The following IFITM5 variants were observed in gnomAD, a reference collection of about 807,000 sequenced individuals.
IFITM5 encodes the protein interferon induced transmembrane protein 5, also known as interferon-induced transmembrane protein 5.
Under a neutral mutation model 9.2 loss-of-function variants are expected in IFITM5, and 10 were observed. The observed-to-expected ratio is 1.09, with a 90% CI of 0.67 to 1.85. The LOEUF (loss-of-function observed/expected upper bound fraction) is 1.85. Among genes scored for constraint, IFITM5 ranks in the 40% most tolerant of loss-of-function variants. IFITM5 has a pLI of 0.00. For missense variants in IFITM5, 225 were observed against 182.6 expected, an observed-to-expected ratio of 1.23 and a Z score of -1.34; for synonymous variants, 93 against 86.6, an observed-to-expected ratio of 1.07 and a Z score of -0.41.
chr11:298,626 A>G lies in IFITM5; in HGVS notation c.274T>C (p.Trp92Arg). The G allele has an allele frequency of 6.2e-7, 1 of 1,613,544 alleles. No homozygotes were observed. The highest frequency in any genetic ancestry group is 8.5e-7 in the Non-Finnish European group (1 of 1,179,992). Residue 92 changes from tryptophan (W) to arginine (R), a missense_variant, in exon 2 of 2, where the codon TGG (tryptophan) becomes CGG (arginine). Trp to Arg is a moderately radical substitution (Grantham distance 101). Coordinates refer to ENST00000382614, the MANE Select transcript of IFITM5 (RefSeq NM_001025295.3). ...AKCYNILAAM[W>R]TLVPPLLLLG... ...AGCAGCAGTGGCGGCACCAGCGTCC[A>G]CATCGCGGCCAGGATGTTGTAGCAC...
chr11:298,592 A>AGCCCCAGGAGCAGCAGTGGCG lies in IFITM5; in HGVS notation c.287_307dup (p.Pro96_Gly102dup). 3.7e-6 allele frequency: 6 copies of AGCCCCAGGAGCAGCAGTGGCG among 1,613,648 alleles called. No homozygotes were observed. The South Asian group carries it at 6.6e-5, about 18-fold the overall frequency. On this transcript the variant is annotated inframe_insertion, in exon 2 of 2. Transcript: ENST00000382614. ...CAGGTGCAGGGCACCAGTCACCACC[A>AGCCCCAGGAGCAGCAGTGGCG]GCCCCAGGAGCAGCAGTGGCGGCAC...
chr11:299,374 C>A lies in IFITM5; in HGVS notation c.117G>T (p.Trp39Cys), dbSNP rs545346603. 30 of 1,595,748 alleles carry A rather than the reference C, an allele frequency of 1.9e-5. No individual in the cohort carries two copies. Among genetic ancestry groups the A allele is most frequent in the Non-Finnish European group, 1.7e-6 (2 of 1,171,918 alleles). Residue 39 changes from tryptophan (W) to cysteine (C), a missense_variant, in exon 1 of 2, where the codon TGG becomes TGT. By Grantham distance (215) the Trp-to-Cys change is radical. Transcript: ENST00000382614. ...TCAGGTAGAGGGTGCTGAACACCGA[C>A]CAGATCAAGTGGTCTCGAGGCGGGG... ...PHPPPRDHLI[W>C]SVFSTLYLNL... is the part of the protein sequence containing the mutation.
In IFITM5 at chr11:298,410, G is replaced by T; in HGVS notation, c.*91C>A. The T allele has an allele frequency of 1.4e-6, 2 of 1,380,316 alleles. No homozygotes were observed. The highest frequency in any genetic ancestry group is 2.0e-6 in the Non-Finnish European group (2 of 1,010,446). 85.5% of individuals were successfully genotyped at this position (1,380,316 alleles called of 1,614,324 possible). ...GGGATGGAGGCCCCACAGAAGGAGG[G>T]CCAGGCTCCGGGGAGTCAGTATTGG... On this transcript the variant is annotated 3_prime_UTR_variant, in exon 2 of 2. Coordinates refer to ENST00000382614, the MANE Select transcript of IFITM5 (RefSeq NM_001025295.3).
Position 298,427 on chromosome 11 carries a change from C to A in IFITM5, c.*74G>T. 6.7e-7 allele frequency: 1 copy of A among 1,486,300 alleles called. No homozygotes were observed. Among genetic ancestry groups the A allele is most frequent in the South Asian group, 1.2e-5 (1 of 82,060 alleles). The allele number at this position is 1,486,300 out of a possible 1,614,324, so 92.1% of individuals were successfully genotyped here. A position where few individuals can be genotyped will look rare whatever the true frequency, so the allele number is the denominator to read the frequency against. On this transcript the variant is annotated 3_prime_UTR_variant, in exon 2 of 2. Transcript: ENST00000382614. The stretch of plus-strand genomic sequence containing the variant: ...GAAGGAGGGCCAGGCTCCGGGGAGT[C>A]AGTATTGGGCCCCAGGGGCAGCAGC...
Position 299,457 on chromosome 11 carries a change from C to T in IFITM5, c.34G>A (p.Ala12Thr). ...GCACCGGCCTTGCTGGGCGTGGGGG[C>T]CCGGGTGTCCTCGCGGGGATACGCC... ...DTAYPREDTR[A>T]PTPSKAGAHT... The change falls in exon 1 of 2, where the codon GCC (alanine) becomes ACC (threonine). Residue 12 changes from alanine to threonine, a missense_variant. Transcript: ENST00000382614. 6.6e-7 allele frequency: 1 copy of T among 1,517,856 alleles called. No homozygotes were observed. The highest frequency in any genetic ancestry group is 8.8e-7 in the Non-Finnish European group (1 of 1,132,574). The allele number at this position is 1,517,856 out of a possible 1,614,324, so 94.0% of individuals were successfully genotyped here. A position where few individuals can be genotyped will look rare whatever the true frequency, so the allele number is the denominator to read the frequency against.
At position 299,391 on chromosome 11, in the gene IFITM5, G is replaced by T; in HGVS notation, c.100C>A (p.Arg34=). 1 of 1,577,868 alleles carries T rather than the reference G, an allele frequency of 6.3e-7. No individual in the cohort carries two copies. The change falls in exon 1 of 2, where the codon CGA becomes AGA. Residue 34 remains arginine, a synonymous_variant. Coordinates refer to ENST00000382614, the MANE Select transcript of IFITM5 (RefSeq NM_001025295.3). Reference sequence around the variant, plus strand: ...AACACCGACCAGATCAAGTGGTCTCGAGGCGGGGGGTGCGGGGCCCCCAGT... The same window carrying T: ...AACACCGACCAGATCAAGTGGTCTCTAGGCGGGGGGTGCGGGGCCCCCAGT... ...LTLGAPHPPP[R]DHLIWSVFST...
rs1196884021 is a variant in IFITM5 at position 298,590 on chromosome 11, C to T, written c.310G>A (p.Val104Met). 4.3e-6 allele frequency: 7 copies of T among 1,613,524 alleles called. No homozygotes were observed. The highest frequency in any genetic ancestry group is 5.1e-6 in the Non-Finnish European group (6 of 1,180,014). ...GCCAGGTGCAGGGCACCAGTCACCA[C>T]CAGCCCCAGGAGCAGCAGTGGCGGC... ...LVPPLLLLGL[V>M]VTGALHLARL... Residue 104 changes from valine to methionine, a missense_variant, in exon 2 of 2, where the codon GTG becomes ATG. By Grantham distance (21) the Val-to-Met change is conservative. Coordinates refer to ENST00000382614, the MANE Select transcript of IFITM5 (RefSeq NM_001025295.3).
At chr11:299,136 C>G (rs1037393217) in intron 1 of IFITM5, among the ~76,000 whole-genome samples, 169 bp downstream of exon 1, 1 of 151,670 alleles carries the variant, frequency 6.6e-6, no homozygotes, top group Non-Finnish European at 1.5e-5. Flanking sequence ...GAGCTCTTTC[C>G]CGGCCATACT....
Position 298,518 on chromosome 11 carries a change from C to T in IFITM5, c.382G>A (p.Asp128Asn), listed in dbSNP as rs1845890597. The T allele has an allele frequency of 6.2e-7, 1 of 1,611,804 alleles. No individual in the cohort carries two copies. Among genetic ancestry groups the T allele is most frequent in the South Asian group, 1.1e-5 (1 of 90,964 alleles). The change falls in exon 2 of 2, where the codon GAC becomes AAC. Residue 128 changes from aspartate (D) to asparagine (N), a missense_variant. Asp to Asn is a conservative substitution (Grantham distance 23). Transcript: ENST00000382614. ...SAAFFSTKFD[D>N]ADYD ...CCAGCCTGTCAGTCATAGTCCGCGT[C>T]ATCAAACTTGGTGCTGAAGAAGGCG...
rs1845894030 is a variant in IFITM5, at chr11:298,695, C to T, written c.205G>A (p.Val69Ile). 1 of 1,613,480 alleles carries T rather than the reference C, an allele frequency of 6.2e-7. No individual in the cohort carries two copies. The highest frequency in any genetic ancestry group is 1.3e-5 in the African/African-American group (1 of 74,944). The change falls in exon 2 of 2, where the codon GTT (valine) becomes ATT (isoleucine). Residue 69 changes from valine (V) to isoleucine (I), a missense_variant. Val to Ile is a conservative substitution (Grantham distance 29). Coordinates refer to ENST00000382614, the MANE Select transcript of IFITM5 (RefSeq NM_001025295.3). ...CGCCGGGCCGCTTCCAGGTCACCAA[C>T]CACCTTCTGATCTCGGGCCTGCAGA... ...YSIKARDQKV[V>I]GDLEAARRFG...
At position 298,416 on chromosome 11, in the gene IFITM5, C is replaced by A. The variant is rs1845889251; in HGVS notation, c.*85G>T. On this transcript the variant is annotated 3_prime_UTR_variant, in exon 2 of 2. Coordinates refer to ENST00000382614, the MANE Select transcript of IFITM5 (RefSeq NM_001025295.3). The stretch of plus-strand genomic sequence containing the variant: ...GAGGCCCCACAGAAGGAGGGCCAGG[C>A]TCCGGGGAGTCAGTATTGGGCCCCA... 1.4e-6 allele frequency: 2 copies of A among 1,429,996 alleles called. No homozygotes were observed. Among genetic ancestry groups the A allele is most frequent in the African/African-American group, 1.4e-5 (1 of 70,712 alleles). The allele number at this position is 1,429,996 out of a possible 1,614,324, so 88.6% of individuals were successfully genotyped here.
rs775109584 is a variant in IFITM5 at position 298,594 on chromosome 11, C to T, written c.306G>A (p.Gly102=). 6.2e-7 allele frequency: 1 copy of T among 1,613,438 alleles called. No individual in the cohort carries two copies. Among genetic ancestry groups the T allele is most frequent in the Non-Finnish European group, 8.5e-7 (1 of 1,179,832 alleles). The change falls in exon 2 of 2, where the codon GGG becomes GGA. Residue 102 remains glycine (G), a synonymous_variant. Transcript: ENST00000382614. ...WTLVPPLLLL[G]LVVTGALHLA... is the part of the protein sequence containing the mutation. Reference sequence around the variant, plus strand: ...GGTGCAGGGCACCAGTCACCACCAGCCCCAGGAGCAGCAGTGGCGGCACCA... The same window carrying T: ...GGTGCAGGGCACCAGTCACCACCAGTCCCAGGAGCAGCAGTGGCGGCACCA...
In IFITM5 at chr11:298,527, T is replaced by C. The variant is rs1343063696; in HGVS notation, c.373A>G (p.Lys125Glu). The C allele has an allele frequency of 2.5e-6, 4 of 1,612,020 alleles. No individual in the cohort carries two copies. Among genetic ancestry groups the C allele is most frequent in the Non-Finnish European group, 3.4e-6 (4 of 1,179,870 alleles). ...CAGTCATAGTCCGCGTCATCAAACT[T>C]GGTGCTGAAGAAGGCGGCAGAGTCC... ...AKDSAAFFST[K>E]FDDADYD is the part of the protein sequence containing the mutation. Residue 125 changes from lysine (K) to glutamate (E), a missense_variant, in exon 2 of 2, where the codon AAG becomes GAG. By Grantham distance (56) the Lys-to-Glu change is moderately conservative (BLOSUM62 1). Transcript: ENST00000382614.
At chr11:299,237 T>G in intron 1 of IFITM5, 68 bp downstream of exon 1, 25 of 426,628 alleles carry the variant, frequency 5.9e-5, no homozygotes, top group Non-Finnish European at 8.1e-5. Flanking sequence ...TCCCCATCCC[T>G]CCCCCTTCCC....
rs1845889362 is a variant in IFITM5, at chr11:298,432, T to C, written c.*69A>G. On this transcript the variant is annotated 3_prime_UTR_variant, in exon 2 of 2. Coordinates refer to ENST00000382614, the MANE Select transcript of IFITM5 (RefSeq NM_001025295.3). ...AGGGCCAGGCTCCGGGGAGTCAGTA[T>C]TGGGCCCCAGGGGCAGCAGCCTGGG... 2 of 1,515,912 alleles carry C rather than the reference T, an allele frequency of 1.3e-6. No homozygotes were observed. Among genetic ancestry groups the C allele is most frequent in the South Asian group, 1.2e-5 (1 of 83,760 alleles). The allele number at this position is 1,515,912 out of a possible 1,614,324, so 93.9% of individuals were successfully genotyped here. A position where few individuals can be genotyped will look rare whatever the true frequency, so the allele number is the denominator to read the frequency against.
Position 298,463 on chromosome 11 carries a change from T to C in IFITM5, c.*38A>G, listed in dbSNP as rs1468399039. 5 of 1,587,788 alleles carry C rather than the reference T, an allele frequency of 3.1e-6. No individual in the cohort carries two copies. The highest frequency in any genetic ancestry group is 4.3e-6 in the Non-Finnish European group (5 of 1,167,326). ...CCCAGGGGCAGCAGCCTGGGGTCAG[T>C]GTCCTGGGGCTAGTGCCCCAGATCA... On this transcript the variant is annotated 3_prime_UTR_variant, in exon 2 of 2. Transcript: ENST00000382614.
At position 298,563 on chromosome 11, in the gene IFITM5, G is replaced by T; in HGVS notation, c.337C>A (p.Arg113=). The T allele has an allele frequency of 6.2e-7, 1 of 1,613,264 alleles. No individual in the cohort carries two copies. The highest frequency in any genetic ancestry group is 2.2e-5 in the East Asian group (1 of 44,882). Residue 113 remains arginine, a synonymous_variant, in exon 2 of 2, where the codon CGG becomes AGG. Coordinates refer to ENST00000382614, the MANE Select transcript of IFITM5 (RefSeq NM_001025295.3). ...LVVTGALHLA[R]LAKDSAAFFS... is the part of the protein sequence containing the mutation. ...AAGGCGGCAGAGTCCTTGGCCAGCC[G>T]GGCCAGGTGCAGGGCACCAGTCACC...
In IFITM5 at chr11:299,156, G is replaced by C. The variant is rs890202408; in HGVS notation, c.186+149C>G. 2.3e-5 allele frequency: 15 copies of C among 656,100 alleles called. No homozygotes were observed. In the South Asian group the frequency reaches 3.0e-4, roughly 13 times the overall value. The allele number at this position is 656,100 out of a possible 1,614,324, so 40.6% of individuals were successfully genotyped here. On this transcript the variant is annotated intron_variant, in intron 1 of 1. Transcript: ENST00000382614. ...CTTTCCCGGCCATACTGATAGCTGTGCCCACAGAGCCCCTCACGGACAAGC... is the reference window on the plus strand; with the variant it reads ...CTTTCCCGGCCATACTGATAGCTGTCCCCACAGAGCCCCTCACGGACAAGC...
At position 299,396 on chromosome 11, in the gene IFITM5, G is replaced by A. The variant is rs142041432; in HGVS notation, c.95C>T (p.Pro32Leu). The stretch of plus-strand genomic sequence containing the variant: ...CGACCAGATCAAGTGGTCTCGAGGC[G>A]GGGGGTGCGGGGCCCCCAGTGTGAG... Reference protein sequence around the residue: ...TALTLGAPHPPPRDHLIWSVF... With the variant: ...TALTLGAPHPLPRDHLIWSVF... The change falls in exon 1 of 2, where the codon CCG becomes CTG. Residue 32 changes from proline (P) to leucine (L), a missense_variant. Physicochemically the swap from Pro to Leu is moderately conservative, Grantham distance 98 (BLOSUM62 -3). Transcript: ENST00000382614. The A allele has an allele frequency of 2.1e-4, 335 of 1,569,932 alleles. 1 individual carries two copies. The African/African-American group carries it at 2.6e-3, about 12-fold the overall frequency.
Sources: allele counts gnomAD v4.1 joint callset (sites outside exome capture counted in the v4.1 genomes callset), GRCh38; gene constraint gnomAD v4.1.1; transcripts MANE v1.5; gene names NCBI Gene and HGNC (gene_info 2026-07-23, HGNC 2026-07-21).